HCRTR1: variants seen among roughly 807,000 people sequenced by gnomAD.
HCRTR1 encodes hypocretin receptor 1, also known as orexin/Hypocretin receptor type 1.
HCRTR1 carries 28 observed loss-of-function variants against 40.6 expected under a neutral mutation model. The ratio of observed to expected loss-of-function variants is 0.69; its 90% confidence interval spans 0.51 to 0.95. The LOEUF (loss-of-function observed/expected upper bound fraction) is 0.95. HCRTR1 is among the 40% of genes least tolerant of loss of function. The pLI, the probability that HCRTR1 is intolerant of heterozygous loss-of-function variation, is 0.00. For missense variants in HCRTR1, 482 were observed against 564.7 expected (o/e 0.85, Z 1.48); for synonymous variants, 209 against 230.0 (o/e 0.91, Z 0.83).
chr1:31,621,945 A>G (rs1639865982), intron 6 of HCRTR1, among the ~76,000 whole-genome samples: 1 of 152,242 alleles, frequency 6.6e-6, no homozygotes, highest in Admixed American at 6.5e-5. Flanking sequence ...GCTAGTGAGT[A>G]GATCAGGAAC....
chr1:31,629,824 G>C (rs1040264076), downstream of HCRTR1: 1 of 152,334 alleles, frequency 6.6e-6, no homozygotes, highest in Non-Finnish European at 1.5e-5. Context: ...AGGATGAGTG[G>C]ATGGACCTGT....
chr1:31,622,556 C>T (rs1236382174), intron 6 of HCRTR1, among the ~76,000 whole-genome samples: 2 of 152,102 alleles, frequency 1.3e-5, no homozygotes, highest in Non-Finnish European at 2.9e-5. Flanking sequence ...GCACGATCCT[C>T]CTCATTTGAC....
Position 31,626,728 on chromosome 1 carries a change from C to T in HCRTR1, c.1088-62C>T, listed in dbSNP as rs1639984528. Reference sequence around the variant, plus strand: ...CTGGAGCTGCGTGGGTGTCCCTGGGCTCAAGGCCCCTTCCTGCTGCATCTG... The same window carrying T: ...CTGGAGCTGCGTGGGTGTCCCTGGGTTCAAGGCCCCTTCCTGCTGCATCTG... On this transcript the variant is annotated intron_variant, in intron 8 of 8. Coordinates refer to ENST00000403528, the MANE Select transcript of HCRTR1 (RefSeq NM_001525.3). This position sits in a 1 kb window ranked among gnomAD's most constrained non-coding sequence, Gnocchi z 4.6. 7.7e-7 allele frequency: 1 copy of T among 1,297,884 alleles called. No homozygotes were observed. The highest frequency in any genetic ancestry group is 1.5e-5 in the African/African-American group (1 of 64,694). 80.4% of individuals were successfully genotyped at this position (1,297,884 alleles called of 1,614,324 possible).
At chr1:31,628,653 G>T (rs1193696322), downstream of HCRTR1, among the ~76,000 whole-genome samples, 2 of 152,218 alleles carry the variant, frequency 1.3e-5, no homozygotes, top group African/African-American at 2.4e-5. Context: ...TGGGAACAAA[G>T]AAACAACAGG....
chr1:31,626,731 A>C lies in HCRTR1; in HGVS notation c.1088-59A>C. 1 of 1,354,050 alleles carries C rather than the reference A, an allele frequency of 7.4e-7. No individual in the cohort carries two copies. Among genetic ancestry groups the C allele is most frequent in the Non-Finnish European group, 9.8e-7 (1 of 1,022,756 alleles). The allele number at this position is 1,354,050 out of a possible 1,614,324, so 83.9% of individuals were successfully genotyped here. A position where few individuals can be genotyped will look rare whatever the true frequency, so the allele number is the denominator to read the frequency against. On this transcript the variant is annotated intron_variant, in intron 8 of 8. Transcript: ENST00000403528. The surrounding 1 kb of genome is among the most constrained non-coding windows in gnomAD (Gnocchi z 4.6). ...GAGCTGCGTGGGTGTCCCTGGGCTC[A>C]AGGCCCCTTCCTGCTGCATCTGTCT...
Position 31,623,751 on chromosome 1 carries a change from T to TGA in HCRTR1, c.965+6_965+7dup. Reference sequence around the variant, plus strand: ...CAGCGTCCTCAATGTCCTTAAGAGGTGAGAGCACGGGGTATGGTTGGGGTG... The same window carrying TGA: ...CAGCGTCCTCAATGTCCTTAAGAGGTGAGAGAGCACGGGGTATGGTTGGGGTG... On this transcript the variant is annotated splice_region_variant and intron_variant, in intron 7 of 8. Coordinates refer to ENST00000403528, the MANE Select transcript of HCRTR1 (RefSeq NM_001525.3). 2 of 1,611,116 alleles carry TGA rather than the reference T, an allele frequency of 1.2e-6. No individual in the cohort carries two copies. The highest frequency in any genetic ancestry group is 8.5e-7 in the Non-Finnish European group (1 of 1,177,764).
chr1:31,632,574 G>GA, downstream of HCRTR1: 1 of 1,614,212 alleles, frequency 6.2e-7, no homozygotes, highest in Non-Finnish European at 8.5e-7. Flanking sequence ...ACTGCTGGAT[G>GA]AATTTCCACA....
In HCRTR1 at chr1:31,619,090, C is replaced by G; in HGVS notation, c.-103C>G. ...AGACCCGAAAAGACCTGGGTGCAAG[C>G]CTCCAGGCACCCTGAAGGGAGTGGG... On this transcript the variant is annotated 5_prime_UTR_variant, in exon 3 of 9. Coordinates refer to ENST00000403528, the MANE Select transcript of HCRTR1 (RefSeq NM_001525.3). 1.1e-6 allele frequency: 1 copy of G among 942,084 alleles called. No homozygotes were observed. Among genetic ancestry groups the G allele is most frequent in the East Asian group, 2.6e-5 (1 of 38,910 alleles). 58.4% of individuals were successfully genotyped at this position (942,084 alleles called of 1,614,324 possible). A position where few individuals can be genotyped will look rare whatever the true frequency, so the allele number is the denominator to read the frequency against.
Position 31,620,225 on chromosome 1 carries a change from C to A in HCRTR1, c.378+515C>A, listed in dbSNP as rs79212798. 7.0e-3 allele frequency among the ~76,000 whole-genome samples: 1,059 copies of A among 152,324 alleles called. 10 individuals carry two copies. The highest frequency in any genetic ancestry group is 0.024 in the African/African-American group (998 of 41,562). ...TGTATCCTGTGATCCACTTCCTGCACCCCAGAGGGCAGGGGGCACCCCTAG... is the reference window on the plus strand; with the variant it reads ...TGTATCCTGTGATCCACTTCCTGCAACCCAGAGGGCAGGGGGCACCCCTAG... On this transcript the variant is annotated intron_variant, in intron 4 of 8. Coordinates refer to ENST00000403528, the MANE Select transcript of HCRTR1 (RefSeq NM_001525.3).
chr1:31,632,557 T>C (rs1330901786), downstream of HCRTR1: 1 of 1,614,046 alleles, frequency 6.2e-7, no homozygotes, highest in East Asian at 2.2e-5. Flanking sequence ...CTGGAAGAGG[T>C]TCTTCCACTG....
At position 31,619,169 on chromosome 1, in the gene HCRTR1, T is replaced by C. The variant is rs1182989968; in HGVS notation, c.-24T>C. The stretch of plus-strand genomic sequence containing the variant: ...CCCTCTGTAGAGCCTAGGATGCCCC[T>C]CTGCTGCAGCGGCTCCTGAGCTCAT... On this transcript the variant is annotated 5_prime_UTR_variant, in exon 3 of 9. Transcript: ENST00000403528. 1 of 1,602,088 alleles carries C rather than the reference T, an allele frequency of 6.2e-7. No homozygotes were observed. Among genetic ancestry groups the C allele is most frequent in the Non-Finnish European group, 8.5e-7 (1 of 1,176,994 alleles).
downstream of HCRTR1, among the ~76,000 whole-genome samples, chr1:31,632,943 T>C (rs1213130504): frequency 6.6e-6 from 1 of 152,164 alleles, no homozygotes; most frequent in East Asian, 1.9e-4. Context: ...GGAAACTAAG[T>C]TAACCTGTAA....
At position 31,626,388 on chromosome 1, in the gene HCRTR1, A is replaced by C. The variant is rs528591759; in HGVS notation, c.1088-402A>C. On this transcript the variant is annotated intron_variant, in intron 8 of 8. Transcript: ENST00000403528. The surrounding 1 kb of genome is among the most constrained non-coding windows in gnomAD (Gnocchi z 4.6). The stretch of plus-strand genomic sequence containing the variant: ...GGCGCCCAGCACAGCGTGACTGCCA[A>C]ATGCAAAAGGGCTGCTGCTGCCGTC... 3.3e-5 allele frequency among the ~76,000 whole-genome samples: 5 copies of C among 152,276 alleles called. No individual in the cohort carries two copies. Among genetic ancestry groups the C allele is most frequent in the African/African-American group, 1.2e-4 (5 of 41,556 alleles).
downstream of HCRTR1, chr1:31,632,739 T>A: frequency 7.2e-7 from 1 of 1,395,692 alleles, no homozygotes; most frequent in Non-Finnish European, 9.7e-7. Flanking sequence ...CAGGCTGGAG[T>A]AGGCGACTTC....
At chr1:31,628,490 G>A (rs1239097285), downstream of HCRTR1, among the ~76,000 whole-genome samples, 1 of 152,208 alleles carries the variant, frequency 6.6e-6, no homozygotes, top group Non-Finnish European at 1.5e-5. Flanking sequence ...TTGGAGGTGA[G>A]TGTGCAGAAT....
At chr1:31,623,774 G>T (rs147846305) in intron 7 of HCRTR1, 25 bp downstream of exon 7, 1 of 1,578,602 alleles carries the variant, frequency 6.3e-7, no homozygotes, top group Admixed American at 1.7e-5. Context: ...TATGGTTGGG[G>T]TGGGGAGAAG....
intron 7 of HCRTR1, among the ~76,000 whole-genome samples, chr1:31,624,400 G>A (rs1041870954): frequency 8.4e-5 from 11 of 131,294 alleles, no homozygotes; most frequent in African/African-American, 3.4e-4. Flanking sequence ...AGGCTGCAGC[G>A]AACCATGATT....
downstream of HCRTR1, chr1:31,633,311 C>A (rs1379827108): frequency 6.2e-7 from 1 of 1,610,648 alleles, no homozygotes; most frequent in Admixed American, 1.7e-5. Flanking sequence ...GGGAGGGGCG[C>A]CACCTGGAGG....
chr1:31,634,188 G>A (rs1219023833), downstream of HCRTR1, among the ~76,000 whole-genome samples: 1 of 152,174 alleles, frequency 6.6e-6, no homozygotes, highest in Admixed American at 6.5e-5. Flanking sequence ...ATCCGGGCAG[G>A]TTCTAGCCAT....
Sources: gnomAD v4.1 joint callset for allele counts (sites outside exome capture counted in the v4.1 genomes callset) on GRCh38, gnomAD v4.1.1 for gene constraint, Gnocchi (gnomAD v3.1) non-coding constraint, MANE v1.5 for transcripts, NCBI Gene and HGNC (gene_info 2026-07-23, HGNC 2026-07-21) for gene names.